Variants in FNDC3B observed in about 807,000 individuals in gnomAD.
FNDC3B encodes the protein fibronectin type III domain containing 3B.
FNDC3B carries 12 observed loss-of-function variants against 151.5 expected under a neutral mutation model. The observed-to-expected ratio is 0.08, with a 90% CI of 0.05 to 0.13. The LOEUF (loss-of-function observed/expected upper bound fraction) is 0.13. FNDC3B is among the 10% of genes least tolerant of loss of function. The pLI, the probability that FNDC3B is intolerant of heterozygous loss-of-function variation, is 1.00. For missense variants in FNDC3B, 1,214 were observed against 1,505.3 expected (o/e 0.81, Z 3.20); for synonymous variants, 528 against 549.0 (o/e 0.96, Z 0.54).
intron 3 of FNDC3B, among the ~76,000 whole-genome samples, chr3:172,188,143 G>A (rs1724299484): frequency 6.6e-6 from 1 of 151,520 alleles, no homozygotes; most frequent in Non-Finnish European, 1.5e-5. Flanking sequence ...TTACAGGCAT[G>A]TGCCACCACG....
At chr3:172,148,425 A>G (rs924526081) in intron 3 of FNDC3B, 1 of 152,158 alleles carries the variant, frequency 6.6e-6, no homozygotes, top group Non-Finnish European at 1.5e-5. Context: ...GTAAAGTACT[A>G]TACAAAAATG....
intron 4 of FNDC3B, among the ~76,000 whole-genome samples, chr3:172,245,565 A>G (rs1433124049): frequency 6.6e-6 from 1 of 152,210 alleles, no homozygotes; most frequent in East Asian, 1.9e-4. Context: ...ATGTATTTAT[A>G]CTACATGTGC....
chr3:172,350,218 G>T (rs966935947), intron 21 of FNDC3B, among the ~76,000 whole-genome samples: 3 of 152,128 alleles, frequency 2.0e-5, no homozygotes, highest in Admixed American at 2.0e-4. Flanking sequence ...CATATTAACC[G>T]ATTTAATCTT....
intron 6 of FNDC3B, among the ~76,000 whole-genome samples, chr3:172,260,986 T>C (rs760078333): frequency 1.3e-5 from 2 of 152,168 alleles, no homozygotes; most frequent in Non-Finnish European, 2.9e-5. Flanking sequence ...CAACAACTTC[T>C]CTATATTTAT....
chr3:172,159,619 T>C (rs1330911326), intron 3 of FNDC3B, among the ~76,000 whole-genome samples: 1 of 152,182 alleles, frequency 6.6e-6, no homozygotes, highest in African/African-American at 2.4e-5. Context: ...GAATATGAGT[T>C]AAGTAATTTG....
chr3:172,242,992 G>A (rs928424692), intron 4 of FNDC3B, among the ~76,000 whole-genome samples: 1 of 152,106 alleles, frequency 6.6e-6, no homozygotes, highest in African/African-American at 2.4e-5. Context: ...TCTCTTTCAA[G>A]TTCAAAGTCC....
chr3:172,389,798 G>A (rs1268978275), intron 25 of FNDC3B, among the ~76,000 whole-genome samples: 3 of 152,080 alleles, frequency 2.0e-5, no homozygotes, highest in Admixed American at 6.5e-5. Flanking sequence ...CCTGGGAGGC[G>A]GAGCTTGCAG....
In FNDC3B at chr3:172,352,831, A is replaced by G; in HGVS notation, c.2543A>G (p.Tyr848Cys). The G allele has an allele frequency of 1.2e-6, 2 of 1,614,098 alleles. No individual in the cohort carries two copies. Among genetic ancestry groups the G allele is most frequent in the Non-Finnish European group, 1.7e-6 (2 of 1,180,018 alleles). Residue 848 changes from tyrosine (Y) to cysteine (C), a missense_variant, in exon 22 of 26, where the codon TAC becomes TGC. Physicochemically the swap from Tyr to Cys is radical, Grantham distance 194 (BLOSUM62 -2). Around this residue, in one of 7 missense-constraint regions of FNDC3B, gnomAD observed 380 missense variants for 420.9 expected, o/e 0.90. Transcript: ENST00000415807. This position sits in a 1 kb window ranked among gnomAD's most constrained non-coding sequence, Gnocchi z 4.2. ...TTCAATCAAGCAGGGGCAGGGCCGT[A>G]CAGTGAACTTGTCCTTTGCCAGACG... ...QAFNQAGAGP[Y>C]SELVLCQTPA...
At chr3:172,227,700 CTGCCTTTT>C (rs1400354567) in intron 4 of FNDC3B, among the ~76,000 whole-genome samples, 1 of 152,082 alleles carries the variant, frequency 6.6e-6, no homozygotes, top group Non-Finnish European at 1.5e-5. Context: ...TTCTGTCTTT[CTGCCTTTT>C]TTGTTCTTCC....
chr3:172,329,130 CCTT>C (rs1732507070), intron 12 of FNDC3B, 54 bp downstream of exon 12: 2 of 1,558,884 alleles, frequency 1.3e-6, no homozygotes, highest in African/African-American at 1.4e-5. Flanking sequence ...TGATCCTGAG[CCTT>C]CTTTTACATA....
chr3:172,192,593 G>A (rs147389070), intron 3 of FNDC3B, among the ~76,000 whole-genome samples: 3 of 152,146 alleles, frequency 2.0e-5, no homozygotes, highest in South Asian at 2.1e-4. Context: ...TATAGCAGAG[G>A]CCAGGAACTG....
chr3:172,280,195 A>T (rs138068286), intron 6 of FNDC3B, among the ~76,000 whole-genome samples: 2 of 152,322 alleles, frequency 1.3e-5, no homozygotes, highest in African/African-American at 2.4e-5. Context: ...GATTACCGGC[A>T]TGAGCTACCA....
chr3:172,303,134 G>A (rs1367015603), intron 9 of FNDC3B: 1 of 151,984 alleles, frequency 6.6e-6, no homozygotes, highest in Non-Finnish European at 1.5e-5. Context: ...TGCCAGAGAA[G>A]TATATTTGTC....
intron 7 of FNDC3B, among the ~76,000 whole-genome samples, chr3:172,286,670 C>T (rs1218292712): frequency 6.6e-6 from 1 of 152,110 alleles, no homozygotes; most frequent in African/African-American, 2.4e-5. Context: ...AACCTAAAAG[C>T]TTGAGGTGTG....
intron 6 of FNDC3B, among the ~76,000 whole-genome samples, chr3:172,264,592 A>G (rs1353888649): frequency 6.6e-6 from 1 of 152,174 alleles, no homozygotes; most frequent in Non-Finnish European, 1.5e-5. Context: ...CATATTTATC[A>G]TCAGTAATAC....
chr3:172,385,227 C>T (rs1198604848), intron 25 of FNDC3B, among the ~76,000 whole-genome samples: 2 of 152,186 alleles, frequency 1.3e-5, no homozygotes, highest in African/African-American at 2.4e-5. Context: ...TAACAGGCAA[C>T]AGGCTTTGAA....
chr3:172,082,780 T>A (rs768060114), intron 1 of FNDC3B, among the ~76,000 whole-genome samples: 6 of 152,176 alleles, frequency 3.9e-5, no homozygotes, highest in Non-Finnish European at 8.8e-5. Flanking sequence ...TCTTCTTTTC[T>A]CTGAAGTGGT....
intron 1 of FNDC3B, among the ~76,000 whole-genome samples, chr3:172,078,827 A>G (rs1718146243): frequency 6.6e-6 from 1 of 152,182 alleles, no homozygotes; most frequent in Non-Finnish European, 1.5e-5. Context: ...GGGGCAATTC[A>G]GGTAAAAGTT....
intron 3 of FNDC3B, among the ~76,000 whole-genome samples, chr3:172,195,543 C>T (rs938442434): frequency 6.6e-6 from 1 of 152,214 alleles, no homozygotes; most frequent in Non-Finnish European, 1.5e-5. Context: ...AGTTGTGCTG[C>T]TGTTAATTTT....
Sources: gnomAD v4.1 joint callset for allele counts (sites outside exome capture counted in the v4.1 genomes callset) on GRCh38, gnomAD v4.1.1 for gene constraint, gnomAD v4.1.1 regional missense constraint, Gnocchi (gnomAD v3.1) non-coding constraint, MANE v1.5 for transcripts, NCBI Gene and HGNC (gene_info 2026-07-23, HGNC 2026-07-21) for gene names.